Variants in SGCD observed in about 807,000 individuals in gnomAD.
The protein encoded by SGCD is sarcoglycan delta, also known as delta-sarcoglycan.
In SGCD, 18 loss-of-function variants were observed where a neutral mutation model predicts 36.6. That is an observed-to-expected ratio of 0.49 (90% CI 0.34 to 0.73). SGCD has a LOEUF of 0.73. Ranked by LOEUF, SGCD falls within the 30% of genes least tolerant of loss-of-function variation. The pLI is 0.01. For synonymous variants in SGCD, 133 were observed against 130.6 expected (o/e 1.02, Z -0.12); for missense variants, 387 against 346.7 (o/e 1.12, Z -0.92).
At chr5:155,871,865 AAC>A (rs1246356096) in intron 1 of SGCD, among the ~76,000 whole-genome samples, 1 of 152,212 alleles carries the variant, frequency 6.6e-6, no homozygotes, top group Non-Finnish European at 1.5e-5. Flanking sequence ...CCAAGGCTTA[AAC>A]ACAGAAGAAA....
chr5:156,338,166 T>TTTTG (rs60601727), intron 2 of SGCD, among the ~76,000 whole-genome samples: 96,111 of 151,642 alleles, frequency 0.63, 30,580 homozygotes, highest in East Asian at 0.78. Context: ...TCACTGGGTT[T>TTTTG]TTTGTTTGTT....
At chr5:156,192,476 T>C (rs1763915288) in intron 3 of SGCD, among the ~76,000 whole-genome samples, 1 of 151,906 alleles carries the variant, frequency 6.6e-6, no homozygotes, top group African/African-American at 2.4e-5. Context: ...GGGAAGTGTA[T>C]GGGGGTACAG....
intron 2 of SGCD, among the ~76,000 whole-genome samples, chr5:156,122,370 C>G (rs887935584): frequency 6.6e-6 from 1 of 151,988 alleles, no homozygotes; most frequent in Non-Finnish European, 1.5e-5. Flanking sequence ...TGTAATACAT[C>G]AAAAAGACTT....
intron 1 of SGCD, among the ~76,000 whole-genome samples, chr5:156,076,302 A>G (rs1334830547): frequency 1.3e-5 from 2 of 151,598 alleles, no homozygotes; most frequent in East Asian, 1.9e-4. Flanking sequence ...TTTCACTGCT[A>G]TTTTTGTTCC....
At chr5:156,190,924 T>C (rs188873775) in intron 3 of SGCD, among the ~76,000 whole-genome samples, 2 of 152,272 alleles carry the variant, frequency 1.3e-5, no homozygotes, top group Admixed American at 1.3e-4. Flanking sequence ...ATAATACCAC[T>C]TTAAATATAT....
intron 3 of SGCD, among the ~76,000 whole-genome samples, chr5:156,361,490 G>T (rs912207374): frequency 2.0e-5 from 3 of 152,168 alleles, no homozygotes; most frequent in Admixed American, 6.5e-5. Context: ...TTGTAATAAA[G>T]ATTAGAGATA....
At chr5:156,260,112 G>A (rs1456509604) in intron 3 of SGCD, among the ~76,000 whole-genome samples, 1 of 151,990 alleles carries the variant, frequency 6.6e-6, no homozygotes. Flanking sequence ...ATGTTTCTGT[G>A]CATCTATTTT....
chr5:156,090,214 A>T (rs969452953), intron 1 of SGCD, among the ~76,000 whole-genome samples: 2 of 152,126 alleles, frequency 1.3e-5, no homozygotes, highest in African/African-American at 4.8e-5. Context: ...TTATTTCCTG[A>T]TGTTAGGAGC....
intron 3 of SGCD, among the ~76,000 whole-genome samples, chr5:156,189,801 C>T (rs1349566013): frequency 6.6e-6 from 1 of 152,122 alleles, no homozygotes; most frequent in East Asian, 1.9e-4. Context: ...CGTATTAAAG[C>T]GCCTTGTGAC....
At chr5:155,956,467 G>A (rs1472911956) in intron 1 of SGCD, among the ~76,000 whole-genome samples, 1 of 152,088 alleles carries the variant, frequency 6.6e-6, no homozygotes, top group Non-Finnish European at 1.5e-5. Context: ...AGCTTGGGTA[G>A]ATAATGTAGG....
At position 156,068,909 on chromosome 5, in the gene SGCD, C is replaced by T. The variant is rs182817065; in HGVS notation, c.-281-48969C>T. On this transcript the variant is annotated intron_variant, in intron 1 of 9. Transcript: ENST00000517913. ...CATTTTTTCATGTGTTTTTTGGCTG[C>T]GTAAATGTCTTCTTTTGAGGAGTGT... is the stretch of plus-strand genomic sequence containing the variant. Among the ~76,000 whole-genome samples the T allele has an allele frequency of 8.1e-4, 123 of 152,090 alleles. 2 individuals carry two copies. In the South Asian group the frequency reaches 0.014, roughly 17 times the overall value.
At chr5:156,177,822 C>T (rs935647351) in intron 3 of SGCD, among the ~76,000 whole-genome samples, 2 of 151,960 alleles carry the variant, frequency 1.3e-5, no homozygotes, top group Non-Finnish European at 2.9e-5. Flanking sequence ...TAAAAATACC[C>T]AATATTTGTT....
At chr5:156,030,779 T>C (rs1273081809) in intron 1 of SGCD, among the ~76,000 whole-genome samples, 1 of 152,016 alleles carries the variant, frequency 6.6e-6, no homozygotes, top group African/African-American at 2.4e-5. Context: ...GGTTGGGACA[T>C]CTAAGGTGCA....
intron 6 of SGCD, among the ~76,000 whole-genome samples, chr5:156,605,982 C>A (rs1182984745): frequency 6.6e-6 from 1 of 152,014 alleles, no homozygotes. Context: ...ATATTTTCAC[C>A]CATTCTGTGG....
At chr5:156,133,805 T>C (rs1029882196) in intron 3 of SGCD, among the ~76,000 whole-genome samples, 4 of 152,090 alleles carry the variant, frequency 2.6e-5, no homozygotes, top group Non-Finnish European at 5.9e-5. Context: ...TTGCAGTCTG[T>C]TTGTTTACTT....
At chr5:155,752,278 G>A in the SGCD span, among the ~76,000 whole-genome samples, 6 of 152,142 alleles carry the variant, frequency 3.9e-5, no homozygotes, top group African/African-American at 9.7e-5. Context: ...CTCTTCCAAG[G>A]CTTTCCATTG....
the SGCD span, among the ~76,000 whole-genome samples, chr5:155,850,378 T>C: frequency 1.3e-5 from 2 of 152,098 alleles, no homozygotes; most frequent in South Asian, 4.2e-4. Context: ...CAGGGGAATT[T>C]TTTTGCAGTG....
chr5:156,029,698 G>C (rs1759301714), intron 1 of SGCD, among the ~76,000 whole-genome samples: 1 of 152,084 alleles, frequency 6.6e-6, no homozygotes, highest in Non-Finnish European at 1.5e-5. Context: ...CTAACAAAAA[G>C]AACAAGTGAT....
At position 156,585,712 on chromosome 5, in the gene SGCD, G is replaced by GT. The variant is rs533097772; in HGVS notation, c.295-3519_295-3518insT. Among the ~76,000 whole-genome samples, 13 of 152,238 alleles carry GT rather than the reference G, an allele frequency of 8.5e-5. No individual in the cohort carries two copies. The South Asian group carries it at 2.7e-3, about 32-fold the overall frequency. On this transcript the variant is annotated intron_variant, in intron 4 of 8. Transcript: ENST00000337851. ...GGAAATATATTTTGTCTCAGTATAA[G>GT]GGAGAATTTTCTAATGTGATCAAAA...
Sources: allele counts gnomAD v4.1 joint callset (sites outside exome capture counted in the v4.1 genomes callset), GRCh38; gene constraint gnomAD v4.1.1; transcripts MANE v1.5; gene names NCBI Gene and HGNC (gene_info 2026-07-23, HGNC 2026-07-21).